SPINK13: variants seen among roughly 807,000 people sequenced by gnomAD.
SPINK13 encodes the protein serine protease inhibitor Kazal-type 13.
A neutral mutation model predicts 11.0 loss-of-function variants in SPINK13; 11 were observed. The observed-to-expected ratio is 1.00, with a 90% CI of 0.63 to 1.65. SPINK13 has a LOEUF of 1.65. SPINK13 is among the 40% of genes most tolerant of loss of function. The probability of loss-of-function intolerance (pLI) is 0.00; values close to 1 mark genes in which losing one functional copy is unlikely to be tolerated. For missense variants in SPINK13, 113 were observed against 117.7 expected (o/e 0.96, Z 0.19); for synonymous variants, 31 against 35.6 (o/e 0.87, Z 0.46).
At chr5:148,275,225 A>T (rs1756407766) in intron 3 of SPINK13, among the ~76,000 whole-genome samples, 1 of 152,120 alleles carries the variant, frequency 6.6e-6, no homozygotes, top group South Asian at 2.1e-4. Flanking sequence ...ATGAGTGAGA[A>T]CATATGGTGT....
At chr5:148,281,577 G>A (rs761360644) in intron 3 of SPINK13, among the ~76,000 whole-genome samples, 2 of 152,056 alleles carry the variant, frequency 1.3e-5, no homozygotes, top group Admixed American at 6.5e-5. Flanking sequence ...GTGAGGTGGC[G>A]CCCCACTCTG....
chr5:148,275,670 T>A (rs927200169), intron 3 of SPINK13, among the ~76,000 whole-genome samples: 3 of 151,482 alleles, frequency 2.0e-5, no homozygotes, highest in African/African-American at 4.8e-5. Context: ...TTTTTTCTTT[T>A]TTTTTTTTTT....
chr5:148,270,140 C>T lies in SPINK13; in HGVS notation c.68C>T (p.Ser23Leu). The T allele has an allele frequency of 6.2e-7, 1 of 1,613,872 alleles. No homozygotes were observed. Among genetic ancestry groups the T allele is most frequent in the African/African-American group, 1.3e-5 (1 of 75,050 alleles). The change falls in exon 2 of 5, where the codon TCA becomes TTA. Residue 23 changes from serine (S) to leucine (L), a missense_variant and splice_region_variant. By Grantham distance (145) the Ser-to-Leu change is moderately radical. Coordinates refer to ENST00000398450, the MANE Select transcript of SPINK13 (RefSeq NM_001040129.3). ...VCSTLTHVAF[S>L]GIFNKRDFTR... Reference sequence around the variant, plus strand: ...TCTACTTTGACACATGTGGCTTTCTCAGGTGAGTAACCTAAGAGGTTTTGG... The same window carrying T: ...TCTACTTTGACACATGTGGCTTTCTTAGGTGAGTAACCTAAGAGGTTTTGG...
intron 4 of SPINK13, among the ~76,000 whole-genome samples, chr5:148,284,000 G>A (rs1756554867): frequency 6.6e-6 from 1 of 152,126 alleles, no homozygotes; most frequent in African/African-American, 2.4e-5. Flanking sequence ...ATGTGAGGAG[G>A]CTGTAACCTC....
rs1242196858 is a variant in SPINK13, at chr5:148,270,438, GA to G, written c.70+302del. On this transcript the variant is annotated intron_variant, in intron 2 of 4. Coordinates refer to ENST00000398450, the MANE Select transcript of SPINK13 (RefSeq NM_001040129.3). ...TACAGTATAATTATTATTTTTCCTA[GA>G]AAAAATGATGCATTTTCTTATGGAT... 3.3e-5 allele frequency among the ~76,000 whole-genome samples: 5 copies of G among 151,814 alleles called. No individual in the cohort carries two copies. In the South Asian group the frequency reaches 1.0e-3, roughly 32 times the overall value.
intron 3 of SPINK13, among the ~76,000 whole-genome samples, chr5:148,280,941 C>T (rs531559371): frequency 6.6e-6 from 1 of 152,280 alleles, no homozygotes; most frequent in East Asian, 1.9e-4. Flanking sequence ...TCTATAAGCC[C>T]CTGACTGGGG....
At chr5:148,278,436 T>C (rs907320250) in intron 3 of SPINK13, among the ~76,000 whole-genome samples, 1 of 152,228 alleles carries the variant, frequency 6.6e-6, no homozygotes, top group Non-Finnish European at 1.5e-5. Context: ...TGAACACTGC[T>C]TTAGCTGTGT....
At chr5:148,276,209 G>C (rs1435159971) in intron 3 of SPINK13, among the ~76,000 whole-genome samples, 41 of 151,982 alleles carry the variant, frequency 2.7e-4, no homozygotes, top group Admixed American at 2.7e-3. Flanking sequence ...TTGTCAGATG[G>C]GTAGATTGCA....
chr5:148,281,319 AC>A (rs1756511397), intron 3 of SPINK13, among the ~76,000 whole-genome samples: 1 of 149,520 alleles, frequency 6.7e-6, no homozygotes. Context: ...CATTCCAAGC[AC>A]CCCTGGGGTA....
At position 148,274,333 on chromosome 5, in the gene SPINK13, T is replaced by C; in HGVS notation, c.71-14T>C. 1 of 1,607,630 alleles carries C rather than the reference T, an allele frequency of 6.2e-7. No homozygotes were observed. On this transcript the variant is annotated splice_polypyrimidine_tract_variant and intron_variant, in intron 2 of 4. Transcript: ENST00000398450. ...TATTTCCTTTAACTTACTGTGTTTA[T>C]TCTTTATTAGCAGGAATTTTCAATA...
chr5:148,277,141 T>C (rs1226328756), intron 3 of SPINK13, among the ~76,000 whole-genome samples: 1 of 152,264 alleles, frequency 6.6e-6, no homozygotes, highest in Admixed American at 6.5e-5. Flanking sequence ...CCTGAGACTT[T>C]GCTGAAGTTG....
At chr5:148,272,736 T>C (rs1756369283) in intron 2 of SPINK13, among the ~76,000 whole-genome samples, 1 of 152,190 alleles carries the variant, frequency 6.6e-6, no homozygotes, top group South Asian at 2.1e-4. Flanking sequence ...CTAAACCATA[T>C]TTTAAAAGAA....
chr5:148,276,359 T>TG (rs1430497286), intron 3 of SPINK13, among the ~76,000 whole-genome samples: 2 of 152,258 alleles, frequency 1.3e-5, no homozygotes, highest in African/African-American at 4.8e-5. Context: ...TTTTTAGTCA[T>TG]GAAGTATTTG....
chr5:148,284,451 A>C (rs577608135), intron 4 of SPINK13, among the ~76,000 whole-genome samples: 2 of 152,242 alleles, frequency 1.3e-5, no homozygotes, highest in South Asian at 2.1e-4. Context: ...ATAGTTAAAA[A>C]CCGTTCAGTA....
intron 3 of SPINK13, among the ~76,000 whole-genome samples, chr5:148,277,765 T>C (rs946501412): frequency 3.3e-5 from 5 of 152,184 alleles, no homozygotes; most frequent in Non-Finnish European, 5.9e-5. Flanking sequence ...CAGGTTTTGG[T>C]ATCAGGATGA....
At chr5:148,284,104 T>TCCTC (rs759461913) in intron 4 of SPINK13, among the ~76,000 whole-genome samples, 3 of 148,300 alleles carry the variant, frequency 2.0e-5, no homozygotes, top group Non-Finnish European at 4.4e-5. Flanking sequence ...TTTCCTTCCT[T>TCCTC]CCTCCCTCCC....
intron 3 of SPINK13, among the ~76,000 whole-genome samples, chr5:148,280,309 T>C (rs1756493697): frequency 6.6e-6 from 1 of 152,110 alleles, no homozygotes; most frequent in South Asian, 2.1e-4. Context: ...TCATTCTCCA[T>C]CTAGTTTTGT....
intron 3 of SPINK13, among the ~76,000 whole-genome samples, chr5:148,276,754 T>C (rs557539581): frequency 1.3e-5 from 2 of 152,352 alleles, no homozygotes; most frequent in Admixed American, 6.5e-5. Flanking sequence ...GTCTTGGCTG[T>C]ATGGGCTCTT....
intron 3 of SPINK13, among the ~76,000 whole-genome samples, chr5:148,278,023 T>G (rs2113369885): frequency 6.6e-6 from 1 of 152,340 alleles, no homozygotes; most frequent in South Asian, 2.1e-4. Flanking sequence ...TGTCCAGGAA[T>G]TTATCCATTT....
Sources: gnomAD v4.1 joint callset for allele counts (sites outside exome capture counted in the v4.1 genomes callset) on GRCh38, gnomAD v4.1.1 for gene constraint, MANE v1.5 for transcripts, NCBI Gene and HGNC (gene_info 2026-07-23, HGNC 2026-07-21) for gene names.